Variants in SEMA5A observed in about 807,000 individuals in gnomAD.
SEMA5A encodes semaphorin-5A.
In SEMA5A, 55 loss-of-function variants were observed where a neutral mutation model predicts 135.5. That is an observed-to-expected ratio of 0.41 (90% CI 0.33 to 0.51). The LOEUF (loss-of-function observed/expected upper bound fraction) is 0.51. SEMA5A is among the 20% of genes least tolerant of loss of function. The probability of loss-of-function intolerance (pLI) is 0.37; values close to 1 mark genes in which losing one functional copy is unlikely to be tolerated. For missense variants in SEMA5A, 1,290 were observed against 1,419.9 expected (o/e 0.91, Z 1.47); for synonymous variants, 580 against 546.5 (o/e 1.06, Z -0.85).
At chr5:9,522,136 C>T (rs1260989956) in intron 1 of SEMA5A, among the ~76,000 whole-genome samples, 1 of 152,138 alleles carries the variant, frequency 6.6e-6, no homozygotes, top group East Asian at 1.9e-4. Context: ...CATGGTGACA[C>T]CCACACATGA....
chr5:9,307,022 A>G (rs1408765355), intron 5 of SEMA5A, among the ~76,000 whole-genome samples: 1 of 152,212 alleles, frequency 6.6e-6, no homozygotes, highest in Non-Finnish European at 1.5e-5. Flanking sequence ...AAAGCAGCCT[A>G]TTCTTAGTAG....
intron 5 of SEMA5A, among the ~76,000 whole-genome samples, chr5:9,316,220 T>G (rs1236467598): frequency 2.6e-5 from 4 of 152,168 alleles, no homozygotes; most frequent in Admixed American, 6.5e-5. Context: ...TGACACACCC[T>G]CATCATTCTT....
chr5:9,053,921 T>C (rs1040134703), intron 19 of SEMA5A, 166 bp downstream of exon 19: 2 of 667,164 alleles, frequency 3.0e-6, no homozygotes, highest in African/African-American at 3.7e-5. Flanking sequence ...TATTTTATTA[T>C]AGATGCTATG....
intron 8 of SEMA5A, among the ~76,000 whole-genome samples, chr5:9,202,500 T>A (rs1465998832): frequency 6.6e-6 from 1 of 152,186 alleles, no homozygotes; most frequent in Non-Finnish European, 1.5e-5. Flanking sequence ...GGGCTCAAGT[T>A]AATGGGACGT....
chr5:9,301,080 C>T (rs1751589695), intron 5 of SEMA5A, among the ~76,000 whole-genome samples: 1 of 152,120 alleles, frequency 6.6e-6, no homozygotes, highest in Non-Finnish European at 1.5e-5. Flanking sequence ...CTCTAATGGC[C>T]AGAACTGACT....
Position 9,477,265 on chromosome 5 carries a change from T to A in SEMA5A, c.-174-39413A>T, listed in dbSNP as rs540257954. 1.1e-4 allele frequency among the ~76,000 whole-genome samples: 16 copies of A among 152,322 alleles called. No homozygotes were observed. The East Asian group carries it at 2.9e-3, about 28-fold the overall frequency. On this transcript the variant is annotated intron_variant, in intron 1 of 22. Transcript: ENST00000382496. ...TCTTTATAAATTACCAAATGTCAGA[T>A]AGTTCTTTATAGCAGTGAAAACAGG...
rs1753632586 is a variant in SEMA5A at position 9,341,176 on chromosome 5, TCACACACATACAAACACACA to T, written c.125-3384_125-3365del. ...ATATAGCAATATATCAAAAAAAAAA[TCACACACATACAAACACACA>T]CACACACATACACACACACACACAC... On this transcript the variant is annotated intron_variant, in intron 3 of 22. Coordinates refer to ENST00000382496, the MANE Select transcript of SEMA5A (RefSeq NM_003966.3). Among the ~76,000 whole-genome samples the T allele has an allele frequency of 4.0e-5, 6 of 148,234 alleles. No homozygotes were observed. In the South Asian group the frequency reaches 1.3e-3, roughly 32 times the overall value.
In SEMA5A at chr5:9,329,755, C is replaced by T. The variant is rs10513008; in HGVS notation, c.224+7958G>A. On this transcript the variant is annotated intron_variant, in intron 4 of 22. Coordinates refer to ENST00000382496, the MANE Select transcript of SEMA5A (RefSeq NM_003966.3). ...CTTTGTACATTTATTTATTTATTTA[C>T]GGCTGTCCCTTGGTATCCCCAGAGC... Among the ~76,000 whole-genome samples, 1,328 of 152,252 alleles carry T rather than the reference C, an allele frequency of 8.7e-3. 14 individuals are homozygous for T. The highest frequency in any genetic ancestry group is 0.014 in the Non-Finnish European group (923 of 68,018).
chr5:9,380,252 T>C, intron 2 of SEMA5A: 1 of 288,266 alleles, frequency 3.5e-6, no homozygotes, highest in Non-Finnish European at 6.6e-6. Flanking sequence ...CTCCCAATAA[T>C]TGCATGACAT....
intron 5 of SEMA5A, among the ~76,000 whole-genome samples, chr5:9,268,511 C>CA (rs1749796765): frequency 6.6e-6 from 1 of 152,030 alleles, no homozygotes; most frequent in Admixed American, 6.5e-5. Flanking sequence ...CAGAATTTTT[C>CA]AGTAAATAGT....
chr5:9,145,374 C>A (rs1742275256), intron 12 of SEMA5A, among the ~76,000 whole-genome samples: 1 of 152,170 alleles, frequency 6.6e-6, no homozygotes, highest in Admixed American at 6.5e-5. Flanking sequence ...CATCCAGAAC[C>A]ATCTGAATGC....
intron 16 of SEMA5A, among the ~76,000 whole-genome samples, chr5:9,101,227 TA>T (rs1739613621): frequency 6.6e-6 from 1 of 152,226 alleles, no homozygotes; most frequent in Non-Finnish European, 1.5e-5. Flanking sequence ...CTACAGTCCT[TA>T]ACCTTTTCAA....
intron 1 of SEMA5A, among the ~76,000 whole-genome samples, chr5:9,504,098 C>A (rs1735734891): frequency 6.6e-6 from 1 of 151,592 alleles, no homozygotes; most frequent in Admixed American, 6.6e-5. Context: ...GCCTGTAATC[C>A]CAGCTACTGG....
intron 5 of SEMA5A, among the ~76,000 whole-genome samples, chr5:9,289,587 C>G (rs1403320064): frequency 6.6e-6 from 1 of 151,990 alleles, no homozygotes; most frequent in East Asian, 1.9e-4. Context: ...ATCACTTGAA[C>G]CCAGGAGGTG....
intron 18 of SEMA5A, among the ~76,000 whole-genome samples, chr5:9,056,708 G>C (rs1019355836): frequency 6.6e-6 from 1 of 152,150 alleles, no homozygotes; most frequent in Non-Finnish European, 1.5e-5. Context: ...CTGACACAGC[G>C]AGACTCCATC....
At chr5:9,496,185 C>T (rs929101677) in intron 1 of SEMA5A, among the ~76,000 whole-genome samples, 2 of 152,256 alleles carry the variant, frequency 1.3e-5, no homozygotes, top group East Asian at 1.9e-4. Context: ...TCTGGAATTA[C>T]AAGCGTGTGC....
intron 3 of SEMA5A, among the ~76,000 whole-genome samples, chr5:9,351,306 T>C (rs1432700803): frequency 6.6e-6 from 1 of 152,182 alleles, no homozygotes; most frequent in East Asian, 1.9e-4. Context: ...TCAAATCTCT[T>C]AGGCAGCCAG....
At chr5:9,509,667 G>A (rs1308554229) in intron 1 of SEMA5A, among the ~76,000 whole-genome samples, 1 of 152,104 alleles carries the variant, frequency 6.6e-6, no homozygotes, top group Admixed American at 6.5e-5. Context: ...TGTACCCAAA[G>A]TTTATCATTG....
At chr5:9,470,762 T>C (rs944769271) in intron 1 of SEMA5A, among the ~76,000 whole-genome samples, 1 of 152,130 alleles carries the variant, frequency 6.6e-6, no homozygotes, top group African/African-American at 2.4e-5. Context: ...TCAGCCTGCC[T>C]CCCAAAGACA....
Sources: gnomAD v4.1 joint callset for allele counts (sites outside exome capture counted in the v4.1 genomes callset) on GRCh38, gnomAD v4.1.1 for gene constraint, MANE v1.5 for transcripts, NCBI Gene and HGNC (gene_info 2026-07-23, HGNC 2026-07-21) for gene names.